The following E2F3 variants were observed in gnomAD, a reference collection of about 807,000 sequenced individuals.
E2F3 encodes transcription factor E2F3.
A neutral mutation model predicts 44.4 loss-of-function variants in E2F3; 11 were observed. The observed-to-expected ratio is 0.25, with a 90% CI of 0.16 to 0.41. The LOEUF is 0.41. E2F3 is among the 10% of genes least tolerant of loss of function. The probability of loss-of-function intolerance (pLI) is 1.00; values close to 1 mark genes in which losing one functional copy is unlikely to be tolerated. For synonymous variants in E2F3, 249 were observed against 253.0 expected, an observed-to-expected ratio of 0.98 and a Z score of 0.15; for missense variants, 487 against 583.6, an observed-to-expected ratio of 0.83 and a Z score of 1.70.
intron 1 of E2F3, among the ~76,000 whole-genome samples, chr6:20,450,776 T>C (rs1761103864): frequency 6.6e-6 from 1 of 152,228 alleles, no homozygotes; most frequent in Non-Finnish European, 1.5e-5. Flanking sequence ...TACACTTACC[T>C]TTAATCCATC....
intron 1 of E2F3, among the ~76,000 whole-genome samples, chr6:20,458,354 A>T (rs572331993): frequency 2.0e-5 from 3 of 152,238 alleles, no homozygotes; most frequent in Admixed American, 6.5e-5. Flanking sequence ...TGTCTTCCCC[A>T]TACCGAGGGG....
At chr6:20,441,725 A>ATTTTTTTTT (rs70990031) in intron 1 of E2F3, among the ~76,000 whole-genome samples, 1 of 119,362 alleles carries the variant, frequency 8.4e-6, no homozygotes, top group African/African-American at 3.1e-5. Context: ...CGCGTGGGTA[A>ATTTTTTTTT]TTTTTTTTTT....
chr6:20,403,579 GGGAGGGGGCGCT>G (rs1235447059), intron 1 of E2F3: 6 of 450,534 alleles, frequency 1.3e-5, no homozygotes, highest in East Asian at 7.4e-5. Context: ...AGGCGGCGGC[GGGAGGGGGCGCT>G]GGAGGGGGAG....
chr6:20,476,288 A>G (rs746458073), intron 1 of E2F3, among the ~76,000 whole-genome samples: 2 of 152,058 alleles, frequency 1.3e-5, no homozygotes, highest in Admixed American at 6.6e-5. Flanking sequence ...GGAGAATGGC[A>G]TGAACCCGGG....
chr6:20,418,278 A>C (rs890081789), intron 1 of E2F3, among the ~76,000 whole-genome samples: 13 of 152,200 alleles, frequency 8.5e-5, no homozygotes, highest in Admixed American at 5.2e-4. Flanking sequence ...TATTTGTCAG[A>C]TGGAACTAGA....
chr6:20,415,034 G>A (rs755511344), intron 1 of E2F3, among the ~76,000 whole-genome samples: 58 of 152,166 alleles, frequency 3.8e-4, no homozygotes, highest in African/African-American at 9.9e-4. Flanking sequence ...GCCACTCCCC[G>A]TGGTAGGAAC....
In E2F3 at chr6:20,491,088, CAGA is replaced by C. The variant is rs960273097; in HGVS notation, c.*662_*664del. ...TTTTCAAATATACTTGTTGCAGATACAGAAGACTAGTAGAGTTCTGCCACTCTA... is the reference window on the plus strand; with the variant it reads ...TTTTCAAATATACTTGTTGCAGATACAGACTAGTAGAGTTCTGCCACTCTA... On this transcript the variant is annotated 3_prime_UTR_variant, in exon 7 of 7. Transcript: ENST00000346618. 2.6e-5 allele frequency: 6 copies of C among 230,776 alleles called. No homozygotes were observed. Among genetic ancestry groups the C allele is most frequent in the Admixed American group, 1.1e-4 (2 of 17,650 alleles). The allele number at this position is 230,776 out of a possible 1,614,324, so 14.3% of individuals were successfully genotyped here. A position where few individuals can be genotyped will look rare whatever the true frequency, so the allele number is the denominator to read the frequency against.
chr6:20,469,119 G>A (rs1761808550), intron 1 of E2F3, among the ~76,000 whole-genome samples: 1 of 152,056 alleles, frequency 6.6e-6, no homozygotes, highest in African/African-American at 2.4e-5. Flanking sequence ...AAAGACAATT[G>A]GAAACTCCAA....
At chr6:20,483,158 T>C (rs1299636593) in intron 4 of E2F3, among the ~76,000 whole-genome samples, 1 of 152,186 alleles carries the variant, frequency 6.6e-6, no homozygotes, top group Admixed American at 6.5e-5. Context: ...TATTATCTAT[T>C]TTGATACCAG....
At chr6:20,410,024 C>A (rs1759619702) in intron 1 of E2F3, among the ~76,000 whole-genome samples, 1 of 152,194 alleles carries the variant, frequency 6.6e-6, no homozygotes, top group African/African-American at 2.4e-5. Flanking sequence ...TCTTGACTTT[C>A]TGCTGAGGAG....
intron 1 of E2F3, among the ~76,000 whole-genome samples, chr6:20,410,767 C>T (rs564028542): frequency 1.2e-4 from 18 of 152,258 alleles, no homozygotes; most frequent in East Asian, 3.9e-4. Context: ...TACAGGTGTG[C>T]GCCACCACGC....
chr6:20,423,624 C>T (rs1204400317), intron 1 of E2F3, among the ~76,000 whole-genome samples: 1 of 151,848 alleles, frequency 6.6e-6, no homozygotes, highest in Non-Finnish European at 1.5e-5. Flanking sequence ...GCGCCCACCA[C>T]CACACCCAGC....
At chr6:20,446,950 C>G (rs1173609580) in intron 1 of E2F3, among the ~76,000 whole-genome samples, 1 of 152,132 alleles carries the variant, frequency 6.6e-6, no homozygotes, top group African/African-American at 2.4e-5. Flanking sequence ...GTCTTAATAA[C>G]AAAAAGCACC....
chr6:20,470,431 G>C (rs1365507787), intron 1 of E2F3, among the ~76,000 whole-genome samples: 1 of 152,164 alleles, frequency 6.6e-6, no homozygotes, highest in Non-Finnish European at 1.5e-5. Context: ...TTAATACATA[G>C]TTACAGCTGA....
In E2F3 at chr6:20,436,307, A is replaced by G. The variant is rs116995496; in HGVS notation, c.393+33682A>G. Among the ~76,000 whole-genome samples the G allele has an allele frequency of 1.3e-4, 20 of 152,266 alleles. 1 individual carries two copies. In the East Asian group the frequency reaches 3.9e-3, roughly 29 times the overall value. On this transcript the variant is annotated intron_variant, in intron 1 of 6. Coordinates refer to ENST00000346618, the MANE Select transcript of E2F3 (RefSeq NM_001949.5). ...AAAGAATTGTCTTTACGATAGAGGA[A>G]TGTTTGACTTTAGCACATTTCTGGT...
At chr6:20,403,687 C>A (rs1030645919) in intron 1 of E2F3, 12 of 575,294 alleles carry the variant, frequency 2.1e-5, no homozygotes, top group African/African-American at 2.0e-4. Flanking sequence ...GCACCGCCAC[C>A]CTCCCTCTCC....
At chr6:20,410,889 T>G (rs1332456572) in intron 1 of E2F3, among the ~76,000 whole-genome samples, 3 of 152,246 alleles carry the variant, frequency 2.0e-5, no homozygotes, top group Admixed American at 6.5e-5. Context: ...CACAACGTGC[T>G]GGGATTGTAG....
intron 1 of E2F3, among the ~76,000 whole-genome samples, chr6:20,478,865 A>G (rs1164664586): frequency 2.0e-5 from 3 of 152,176 alleles, no homozygotes; most frequent in Non-Finnish European, 2.9e-5. Flanking sequence ...AAATGAGCCT[A>G]AATACATATT....
chr6:20,430,156 G>A (rs1237753068), intron 1 of E2F3, among the ~76,000 whole-genome samples: 1 of 152,088 alleles, frequency 6.6e-6, no homozygotes, highest in African/African-American at 2.4e-5. Context: ...TAAAATACAC[G>A]ATGCCAAGTT....
Sources: gnomAD v4.1 joint callset for allele counts (sites outside exome capture counted in the v4.1 genomes callset) on GRCh38, gnomAD v4.1.1 for gene constraint, MANE v1.5 for transcripts, NCBI Gene and HGNC (gene_info 2026-07-23, HGNC 2026-07-21) for gene names.